The following MYO15A variants were observed in gnomAD, a reference collection of about 807,000 sequenced individuals.
The protein encoded by MYO15A is unconventional myosin-XV.
In MYO15A, 308 loss-of-function variants were observed where a neutral mutation model predicts 394.6. That is an observed-to-expected ratio of 0.78 (90% CI 0.71 to 0.86). The LOEUF (loss-of-function observed/expected upper bound fraction) is 0.86. MYO15A is among the 40% of genes least tolerant of loss of function. MYO15A has a pLI of 0.00. For synonymous variants in MYO15A, 1,957 were observed against 2,003.8 expected (o/e 0.98, Z 0.62); for missense variants, 4,606 against 4,799.1 (o/e 0.96, Z 1.19).
At chr17:18,170,492 G>T (rs983145061) in intron 62 of MYO15A, among the ~76,000 whole-genome samples, 6 of 151,822 alleles carry the variant, frequency 4.0e-5, no homozygotes, top group Non-Finnish European at 8.8e-5. Context: ...CCAAGTAGCT[G>T]GAATCACAAG....
Position 18,150,914 on chromosome 17 carries a change from G to C in MYO15A, c.7473+1G>C. The C allele has an allele frequency of 6.2e-7, 1 of 1,603,648 alleles. No individual in the cohort carries two copies. The highest frequency in any genetic ancestry group is 2.3e-5 in the East Asian group (1 of 44,416). On this transcript the variant is annotated splice_donor_variant, in intron 38 of 65. Transcript: ENST00000647165. LOFTEE classifies it high-confidence loss of function. The surrounding 1 kb of genome is among the most constrained non-coding windows in gnomAD (Gnocchi z 4.4). ...TGCCCTGAGATCCTTGCCCGCAGAG[G>C]TGAGCCTGGCCTGCCCAGGGTGCAG...
intron 42 of MYO15A, among the ~76,000 whole-genome samples, chr17:18,152,726 C>T (rs992078984): frequency 1.3e-5 from 2 of 152,206 alleles, no homozygotes; most frequent in Non-Finnish European, 2.9e-5. Flanking sequence ...TCTCTTCCTC[C>T]CCTTGGCACA....
chr17:18,157,345 G>A (rs1228419063), intron 50 of MYO15A, 115 bp downstream of exon 50: 86 of 1,374,760 alleles, frequency 6.3e-5, no homozygotes, highest in Non-Finnish European at 8.5e-5. Flanking sequence ...GGCTGGTCAG[G>A]TCTCCTAAGG....
chr17:18,116,881 C>T (rs936827405), intron 1 of MYO15A, among the ~76,000 whole-genome samples: 8 of 151,780 alleles, frequency 5.3e-5, no homozygotes, highest in Non-Finnish European at 1.0e-4. Context: ...GATTGCACCA[C>T]TGCCCTCCAG....
At chr17:18,135,090 T>TC (rs2046238732) in intron 12 of MYO15A, among the ~76,000 whole-genome samples, 1 of 152,142 alleles carries the variant, frequency 6.6e-6, no homozygotes, top group South Asian at 2.1e-4. Flanking sequence ...GGTCTTGAAC[T>TC]CCCTGCCTCA....
intron 51 of MYO15A, chr17:18,158,184 A>G (rs2046714908): frequency 1.7e-6 from 1 of 585,464 alleles, no homozygotes; most frequent in East Asian, 2.9e-5. Flanking sequence ...GGGGCCCGCC[A>G]GTTGGTGAAG....
intron 2 of MYO15A, chr17:18,123,999 G>A (rs2045986132): frequency 4.5e-6 from 1 of 220,878 alleles, no homozygotes; most frequent in South Asian, 7.8e-5. Flanking sequence ...ATGCCATTGA[G>A]TGTGGGTCCA....
chr17:18,159,107 C>T, intron 53 of MYO15A, 110 bp downstream of exon 53: 1 of 1,411,268 alleles, frequency 7.1e-7, no homozygotes, highest in Non-Finnish European at 9.8e-7. Flanking sequence ...CTCTGATTCT[C>T]AGCACCCTGA....
chr17:18,138,349 T>A, intron 17 of MYO15A, 103 bp downstream of exon 17: 5 of 1,448,904 alleles, frequency 3.5e-6, no homozygotes, highest in Non-Finnish European at 4.7e-6. Context: ...CTGGCCTGAG[T>A]CAGGCAGTGG....
intron 61 of MYO15A, among the ~76,000 whole-genome samples, chr17:18,166,789 C>T (rs2046861652): frequency 6.6e-6 from 1 of 152,160 alleles, no homozygotes; most frequent in African/African-American, 2.4e-5. Flanking sequence ...CCAAACAGCA[C>T]CTCTTCCATT....
chr17:18,120,100 G>C lies in MYO15A; in HGVS notation c.1300G>C (p.Glu434Gln). ...TGCCCACGCCATGGATGACATCGCC[G>C]AGCTGGAGGAACCAGAGGACGCGGG... ...PYAHAMDDIA[E>Q]LEEPEDAGVE... The change falls in exon 2 of 66, where the codon GAG becomes CAG. Residue 434 changes from glutamate to glutamine, a missense_variant. Glu to Gln is a conservative substitution (Grantham distance 29, BLOSUM62 2). Transcript: ENST00000647165. The C allele has an allele frequency of 6.2e-7, 1 of 1,612,462 alleles. No individual in the cohort carries two copies. Among genetic ancestry groups the C allele is most frequent in the Non-Finnish European group, 8.5e-7 (1 of 1,179,406 alleles).
At chr17:18,159,750 G>A in intron 55 of MYO15A, 71 bp downstream of exon 55, 1 of 1,557,954 alleles carries the variant, frequency 6.4e-7, no homozygotes, top group Non-Finnish European at 8.8e-7. Flanking sequence ...CTATCAATGA[G>A]TCACAGGACA....
Position 18,119,444 on chromosome 17 carries a change from A to G in MYO15A, c.644A>G (p.His215Arg). 1 of 1,612,436 alleles carries G rather than the reference A, an allele frequency of 6.2e-7. No individual in the cohort carries two copies. The highest frequency in any genetic ancestry group is 1.7e-5 in the Admixed American group (1 of 60,016). Residue 215 changes from histidine (H) to arginine (R), a missense_variant, in exon 2 of 66, where the codon CAT (histidine) becomes CGT (arginine). This residue lies in a region of MYO15A where 1,830 missense variants were observed against 1,689.7 expected (regional missense o/e 1.08). Transcript: ENST00000647165. ...CCCTTCGAGGACGAGGCCCCATTCC[A>G]TCACTCGGGCTCCCGCAAGTCGCTG... ...FLPFEDEAPF[H>R]HSGSRKSLYG... is the part of the protein sequence containing the mutation.
At chr17:18,142,472 G>C (rs2046400052) in intron 24 of MYO15A, among the ~76,000 whole-genome samples, 1 of 152,220 alleles carries the variant, frequency 6.6e-6, no homozygotes, top group African/African-American at 2.4e-5. Flanking sequence ...AATCCATTCA[G>C]CCAAGAGGGG....
chr17:18,158,755 C>T, intron 52 of MYO15A, 117 bp downstream of exon 52: 4 of 1,414,032 alleles, frequency 2.8e-6, no homozygotes, highest in South Asian at 1.2e-5. Flanking sequence ...AGATGAGAGA[C>T]CACCCAGGTG....
At position 18,130,823 on chromosome 17, in the gene MYO15A, TG is replaced by T; in HGVS notation, c.4038+14del. 9.9e-7 allele frequency: 1 copy of T among 1,007,560 alleles called. No individual in the cohort carries two copies. The highest frequency in any genetic ancestry group is 1.4e-6 in the Non-Finnish European group (1 of 732,368). The allele number at this position is 1,007,560 out of a possible 1,614,324, so 62.4% of individuals were successfully genotyped here. On this transcript the variant is annotated intron_variant, in intron 8 of 65. Transcript: ENST00000647165. ...CTTGAAGATAAAGGTACTCAGTGTG[TG>T]TGTGTGTGTGTGTGTGTGTGTGTGT...
At chr17:18,140,349 T>G in intron 19 of MYO15A, 168 bp from the exon 20 acceptor site, 1 of 945,922 alleles carries the variant, frequency 1.1e-6, no homozygotes, top group Non-Finnish European at 1.6e-6. Flanking sequence ...GCCCCACCTG[T>G]TTTGAGAAGC....
At chr17:18,173,519 C>A (rs1472598783) in intron 64 of MYO15A, 1 of 515,582 alleles carries the variant, frequency 1.9e-6, no homozygotes, top group Non-Finnish European at 3.6e-6. Flanking sequence ...ATCCCAAGCA[C>A]TTAGAGCACT....
Position 18,133,675 on chromosome 17 carries a change from C to T in MYO15A, c.4482+289C>T, listed in dbSNP as rs537146720. Among the ~76,000 whole-genome samples the T allele has an allele frequency of 2.6e-5, 4 of 152,142 alleles. No homozygotes were observed. In the South Asian group the frequency reaches 8.3e-4, roughly 32 times the overall value. The stretch of plus-strand genomic sequence containing the variant: ...TTTTTATTGGCGGGGAGGGGTCTCA[C>T]TCTGTCACCCAGGCTGGAGTGCAAT... On this transcript the variant is annotated intron_variant, in intron 12 of 65. Transcript: ENST00000647165.
Sources: allele counts gnomAD v4.1 joint callset (sites outside exome capture counted in the v4.1 genomes callset), GRCh38; gene constraint gnomAD v4.1.1; regional missense constraint gnomAD v4.1.1; non-coding constraint Gnocchi (gnomAD v3.1); transcripts MANE v1.5; gene names NCBI Gene and HGNC (gene_info 2026-07-23, HGNC 2026-07-21).